RAB38: variants seen among roughly 807,000 people sequenced by gnomAD.
RAB38 encodes ras-related protein Rab-38.
In RAB38, 15 loss-of-function variants were observed where a neutral mutation model predicts 18.4. The observed-to-expected ratio is 0.82, with a 90% CI of 0.55 to 1.26. RAB38 has a LOEUF of 1.26. Ranked by LOEUF, RAB38 falls within the 50% of genes most tolerant of loss-of-function variation. The pLI is 0.00. For missense variants in RAB38, 294 were observed against 267.4 expected (o/e 1.10, Z -0.69); for synonymous variants, 101 against 104.4 (o/e 0.97, Z 0.20).
chr11:88,161,439 T>C (rs539351298), intron 1 of RAB38, among the ~76,000 whole-genome samples: 1 of 152,188 alleles, frequency 6.6e-6, no homozygotes, highest in East Asian at 1.9e-4. Context: ...ACCCATAGAA[T>C]TTTAAAATTT....
At chr11:88,044,906 C>A in the RAB38 span, among the ~76,000 whole-genome samples, 2 of 152,140 alleles carry the variant, frequency 1.3e-5, no homozygotes, top group Non-Finnish European at 2.9e-5. Context: ...TAATCACCTC[C>A]CCTCCTCACA....
intron 2 of RAB38, among the ~76,000 whole-genome samples, chr11:88,145,282 T>C (rs1005959167): frequency 2.0e-5 from 3 of 151,866 alleles, no homozygotes; most frequent in Non-Finnish European, 4.4e-5. Flanking sequence ...CCCAAGTAGC[T>C]GGGATTAACA....
the RAB38 span, among the ~76,000 whole-genome samples, chr11:88,004,468 A>T: frequency 2.0e-5 from 3 of 151,258 alleles, no homozygotes; most frequent in Non-Finnish European, 1.5e-5. Flanking sequence ...ATATAAGGAA[A>T]GTTCCTCAAT....
intron 1 of RAB38, among the ~76,000 whole-genome samples, chr11:88,169,209 G>C (rs1201026726): frequency 1.3e-5 from 2 of 152,158 alleles, no homozygotes; most frequent in Non-Finnish European, 2.9e-5. Flanking sequence ...TAAGTAACTG[G>C]GGGTAAGGTA....
the RAB38 span, among the ~76,000 whole-genome samples, chr11:87,910,250 C>A: frequency 5.3e-5 from 8 of 151,970 alleles, no homozygotes; most frequent in Admixed American, 2.0e-4. Flanking sequence ...GATGAATCCA[C>A]CTATGTGTCT....
chr11:87,869,372 A>G, the RAB38 span, among the ~76,000 whole-genome samples: 1 of 151,668 alleles, frequency 6.6e-6, no homozygotes, highest in South Asian at 2.1e-4. Context: ...AAATTAAATG[A>G]GCACTCATAG....
At chr11:87,921,306 T>C in the RAB38 span, among the ~76,000 whole-genome samples, 1 of 151,868 alleles carries the variant, frequency 6.6e-6, no homozygotes, top group Non-Finnish European at 1.5e-5. Flanking sequence ...GGAGTGGCAA[T>C]AAGCCATAGC....
At position 88,149,962 on chromosome 11, in the gene RAB38, C is replaced by A; in HGVS notation, c.203-7G>T. The A allele has an allele frequency of 1.3e-6, 2 of 1,587,470 alleles. No homozygotes were observed. The highest frequency in any genetic ancestry group is 1.2e-5 in the South Asian group (1 of 86,552). ...TTTCCAAATCTTTCTTGACCTGACA[C>A]CAAAAAGAAATAAAAATAAAAATGT... On this transcript the variant is annotated splice_polypyrimidine_tract_variant and splice_region_variant and intron_variant, in intron 1 of 2. Transcript: ENST00000243662.
intron 2 of RAB38, among the ~76,000 whole-genome samples, chr11:88,128,603 T>C (rs367916015): frequency 6.9e-4 from 105 of 152,296 alleles, no homozygotes; most frequent in African/African-American, 2.5e-3. Flanking sequence ...ATCACCTTAA[T>C]TTTTCCTACC....
the RAB38 span, among the ~76,000 whole-genome samples, chr11:88,022,336 G>A: frequency 6.6e-6 from 1 of 150,378 alleles, no homozygotes; most frequent in African/African-American, 2.5e-5. Context: ...AAAGAGTACA[G>A]AAGGAACATA....
intron 2 of RAB38, 59 bp downstream of exon 2, chr11:88,149,616 T>C: frequency 6.6e-7 from 1 of 1,514,598 alleles, no homozygotes; most frequent in South Asian, 1.3e-5. Context: ...GTGATGATTA[T>C]GTGCCATTTT....
intron 2 of RAB38, among the ~76,000 whole-genome samples, chr11:88,135,170 T>A (rs369831207): frequency 6.6e-6 from 1 of 152,154 alleles, no homozygotes; most frequent in African/African-American, 2.4e-5. Context: ...ACTGCTTACT[T>A]CTCTTTTTAC....
the RAB38 span, among the ~76,000 whole-genome samples, chr11:87,878,971 A>ATTTTTTTTTTTT: frequency 7.5e-6 from 1 of 133,758 alleles, no homozygotes; most frequent in Non-Finnish European, 1.6e-5. Context: ...GCAATTACTG[A>ATTTTTTTTTTTT]TTTTTTTTTT....
chr11:87,891,985 C>T, the RAB38 span, among the ~76,000 whole-genome samples: 1 of 151,796 alleles, frequency 6.6e-6, no homozygotes, highest in African/African-American at 2.4e-5. Context: ...CTTACTTGAG[C>T]CTTTTAATGA....
chr11:88,154,847 GC>G (rs1943105952), intron 1 of RAB38, among the ~76,000 whole-genome samples: 1 of 152,094 alleles, frequency 6.6e-6, no homozygotes, highest in South Asian at 2.1e-4. Flanking sequence ...AGACCATGAG[GC>G]AAAAAGGTAC....
chr11:87,890,743 C>G, the RAB38 span, among the ~76,000 whole-genome samples: 140 of 151,938 alleles, frequency 9.2e-4, 2 homozygotes, highest in Admixed American at 3.1e-3. Context: ...TGTACTAATT[C>G]TTTCCCACTT....
chr11:88,058,455 A>G, the RAB38 span, among the ~76,000 whole-genome samples: 1 of 152,184 alleles, frequency 6.6e-6, no homozygotes, highest in Admixed American at 6.5e-5. Context: ...TCTTCCTACA[A>G]CAAACATGTG....
chr11:87,967,339 A>G, the RAB38 span, among the ~76,000 whole-genome samples: 1 of 152,218 alleles, frequency 6.6e-6, no homozygotes, highest in Non-Finnish European at 1.5e-5. Context: ...AATTGCCTTG[A>G]AATGAAATCA....
the RAB38 span, among the ~76,000 whole-genome samples, chr11:87,951,445 G>A: frequency 2.0e-3 from 300 of 152,022 alleles, 1 homozygote; most frequent in African/African-American, 5.1e-3. Context: ...GAGGAGCTGC[G>A]TTCCTTTGGA....
Sources: allele counts gnomAD v4.1 joint callset (sites outside exome capture counted in the v4.1 genomes callset), GRCh38; gene constraint gnomAD v4.1.1; transcripts MANE v1.5; gene names NCBI Gene and HGNC (gene_info 2026-07-23, HGNC 2026-07-21).